Variants in P2RX7 observed in about 807,000 individuals in gnomAD.
P2RX7 encodes the protein purinergic receptor P2X 7, also known as P2X purinoceptor 7.
P2RX7 carries 62 observed loss-of-function variants against 71.6 expected under a neutral mutation model. The ratio of observed to expected loss-of-function variants is 0.87; its 90% CI spans 0.71 to 1.07. P2RX7 has a LOEUF of 1.07. Ranked by LOEUF, P2RX7 falls within the 50% of genes least tolerant of loss-of-function variation. The pLI is 0.00. For synonymous variants in P2RX7, 299 were observed against 283.3 expected, an observed-to-expected ratio of 1.06 and a Z score of -0.56; for missense variants, 686 against 748.5, an observed-to-expected ratio of 0.92 and a Z score of 0.97.
chr12:121,174,456 G>T (rs1882750387), intron 8 of P2RX7, among the ~76,000 whole-genome samples: 1 of 152,158 alleles, frequency 6.6e-6, no homozygotes, highest in South Asian at 2.1e-4. Flanking sequence ...AGGAGGTGGA[G>T]GCTGCAGTGA....
chr12:121,149,032 C>T lies in P2RX7; in HGVS notation c.126-5753C>T. ...GGCTGTAAGACGGAGAGGAACTTTG[C>T]TGAAAGGGAGGTCCTCCCTGCAGAG... is the stretch of plus-strand genomic sequence containing the variant. On this transcript the variant is annotated intron_variant, in intron 1 of 12. Transcript: ENST00000328963. This position sits in a 1 kb window ranked among gnomAD's most constrained non-coding sequence, Gnocchi z 4.7. 1.8e-6 allele frequency: 1 copy of T among 569,554 alleles called. No homozygotes were observed. The allele number at this position is 569,554 out of a possible 1,614,324, so 35.3% of individuals were successfully genotyped here. A position where few individuals can be genotyped will look rare whatever the true frequency, so the allele number is the denominator to read the frequency against.
At chr12:121,171,367 T>TTC (rs1882143719) in intron 8 of P2RX7, among the ~76,000 whole-genome samples, 1 of 148,574 alleles carries the variant, frequency 6.7e-6, no homozygotes, top group Non-Finnish European at 1.5e-5. Context: ...CTCTTTTTTT[T>TTC]TTTTTTTTTT....
chr12:121,152,988 T>C (rs979413329), intron 1 of P2RX7, among the ~76,000 whole-genome samples: 6 of 152,258 alleles, frequency 3.9e-5, no homozygotes, highest in Non-Finnish European at 1.5e-5. Context: ...GTAAGAGTTT[T>C]ATTGCTGGGC....
chr12:121,141,777 C>T (rs769964988), intron 1 of P2RX7, among the ~76,000 whole-genome samples: 14 of 152,092 alleles, frequency 9.2e-5, no homozygotes, highest in Non-Finnish European at 1.5e-4. Flanking sequence ...CCTACATAAT[C>T]CTGGAAGATT....
chr12:121,183,477 A>T (rs1314465675), intron 12 of P2RX7, among the ~76,000 whole-genome samples: 1 of 151,420 alleles, frequency 6.6e-6, no homozygotes, highest in East Asian at 1.9e-4. Context: ...AGGCTGAGGC[A>T]GAAGAATCGC....
chr12:121,183,889 C>T (rs931172874), intron 12 of P2RX7, among the ~76,000 whole-genome samples: 1 of 152,040 alleles, frequency 6.6e-6, no homozygotes, highest in African/African-American at 2.4e-5. Context: ...ATGTTGAAAT[C>T]CTGTTTCTAC....
At position 121,186,361 on chromosome 12, in the gene P2RX7, G is replaced by A. The variant is rs1290241244; in HGVS notation, c.*1559G>A. 1 of 152,248 alleles carries A rather than the reference G, an allele frequency of 6.6e-6. No individual in the cohort carries two copies. The highest frequency in any genetic ancestry group is 6.5e-5 in the Admixed American group (1 of 15,276). 9.4% of individuals were successfully genotyped at this position (152,248 alleles called of 1,614,324 possible). A position where few individuals can be genotyped will look rare whatever the true frequency, so the allele number is the denominator to read the frequency against. Reference sequence around the variant, plus strand: ...AACAGGTAACTGGAACAGAGGGCAAGCCTGATGAATGGGCACACAGACTCA... The same window carrying A: ...AACAGGTAACTGGAACAGAGGGCAAACCTGATGAATGGGCACACAGACTCA... On this transcript the variant is annotated 3_prime_UTR_variant, in exon 13 of 13. Coordinates refer to ENST00000328963, the MANE Select transcript of P2RX7 (RefSeq NM_002562.6).
At chr12:121,169,579 GT>G (rs1264818864) in intron 8 of P2RX7, among the ~76,000 whole-genome samples, 1 of 152,056 alleles carries the variant, frequency 6.6e-6, no homozygotes, top group Admixed American at 6.6e-5. Context: ...TTCTGTTTCT[GT>G]TTTTTTGTTT....
In P2RX7 at chr12:121,146,945, G is replaced by C. The variant is rs780997776; in HGVS notation, c.126-7840G>C. ...AAAAGCAATAAAAGGCATCCAGATTGTAAAGGATGAAGTAAAACTATCTTT... is the reference window on the plus strand; with the variant it reads ...AAAAGCAATAAAAGGCATCCAGATTCTAAAGGATGAAGTAAAACTATCTTT... On this transcript the variant is annotated intron_variant, in intron 1 of 12. Coordinates refer to ENST00000328963, the MANE Select transcript of P2RX7 (RefSeq NM_002562.6). 2.6e-5 allele frequency among the ~76,000 whole-genome samples: 4 copies of C among 152,346 alleles called. No homozygotes were observed. In the East Asian group the frequency reaches 7.7e-4, roughly 29 times the overall value.
chr12:121,135,775 G>A (rs1873400987), intron 1 of P2RX7, among the ~76,000 whole-genome samples: 1 of 151,380 alleles, frequency 6.6e-6, no homozygotes, highest in South Asian at 2.1e-4. Flanking sequence ...GGCCAAGGCG[G>A]GCAGGTCACT....
intron 8 of P2RX7, among the ~76,000 whole-genome samples, chr12:121,171,806 G>A (rs1482426576): frequency 6.6e-6 from 1 of 151,722 alleles, no homozygotes; most frequent in Non-Finnish European, 1.5e-5. Flanking sequence ...CACTCTTTGA[G>A]TGAGGGGCTC....
chr12:121,167,767 A>G (rs964082454), intron 8 of P2RX7, 143 bp downstream of exon 8: 2 of 646,932 alleles, frequency 3.1e-6, no homozygotes, highest in Non-Finnish European at 4.8e-6. Flanking sequence ...AATTTTTTCC[A>G]TAATTTTTTA....
chr12:121,178,791 C>CAAAA (rs386377968), intron 11 of P2RX7, among the ~76,000 whole-genome samples: 1,292 of 65,998 alleles, frequency 0.02, 46 homozygotes, highest in African/African-American at 0.059. Context: ...AACTCTGTCT[C>CAAAA]AAAAAAAAAA....
intron 8 of P2RX7, among the ~76,000 whole-genome samples, chr12:121,170,709 G>A (rs1335063011): frequency 1.3e-5 from 2 of 152,178 alleles, no homozygotes; most frequent in Non-Finnish European, 2.9e-5. Context: ...GGAAGGTGGA[G>A]GTTGCAGTGA....
At chr12:121,155,317 C>A (rs945521520) in intron 2 of P2RX7, 1 of 1,307,378 alleles carries the variant, frequency 7.6e-7, no homozygotes, top group Non-Finnish European at 1.0e-6. Context: ...AGAGCACCAG[C>A]CCTTCTAGAT....
At chr12:121,172,077 G>A (rs372101643) in intron 8 of P2RX7, among the ~76,000 whole-genome samples, 86 of 152,022 alleles carry the variant, frequency 5.7e-4, no homozygotes, top group African/African-American at 1.4e-3. Flanking sequence ...TAGCCAGGAT[G>A]GTCTCGATCT....
chr12:121,135,888 C>T (rs1873430059), intron 1 of P2RX7, among the ~76,000 whole-genome samples: 1 of 148,782 alleles, frequency 6.7e-6, no homozygotes, highest in South Asian at 2.2e-4. Flanking sequence ...CCTGTAATCC[C>T]AGCTACTCGG....
chr12:121,162,517 C>A lies in P2RX7; in HGVS notation c.530C>A (p.Pro177His). The A allele has an allele frequency of 6.2e-7, 1 of 1,612,502 alleles. No individual in the cohort carries two copies. The highest frequency in any genetic ancestry group is 8.5e-7 in the Non-Finnish European group (1 of 1,179,982). ...WCPIEAVEEA[P>H]RPALLNSAEN... The stretch of plus-strand genomic sequence containing the variant: ...CCCATCGAGGCAGTGGAAGAGGCCC[C>A]CCGGTGAGTCGCATGGGGAGACAGA... The change falls in exon 5 of 13, where the codon CCC becomes CAC. Residue 177 changes from proline to histidine, a missense_variant. Transcript: ENST00000328963.
intron 1 of P2RX7, among the ~76,000 whole-genome samples, chr12:121,140,921 A>C (rs895398682): frequency 6.6e-6 from 1 of 152,188 alleles, no homozygotes; most frequent in African/African-American, 2.4e-5. Flanking sequence ...TCCCATCTCT[A>C]CTAAAAATAC....
Sources: gnomAD v4.1 joint callset for allele counts (sites outside exome capture counted in the v4.1 genomes callset) on GRCh38, gnomAD v4.1.1 for gene constraint, Gnocchi (gnomAD v3.1) non-coding constraint, MANE v1.5 for transcripts, NCBI Gene and HGNC (gene_info 2026-07-23, HGNC 2026-07-21) for gene names.